Variants in TBC1D15 observed in about 807,000 individuals in gnomAD.
TBC1D15 encodes the protein GAP for RAB7.
In TBC1D15, 39 loss-of-function variants were observed where a neutral mutation model predicts 95.4. The ratio of observed to expected loss-of-function variants is 0.41; its 90% CI spans 0.32 to 0.53. TBC1D15 has a LOEUF of 0.53. TBC1D15 is among the 20% of genes least tolerant of loss of function. The probability of loss-of-function intolerance (pLI) is 0.29; values close to 1 mark genes in which losing one functional copy is unlikely to be tolerated. For missense variants in TBC1D15, 733 were observed against 794.3 expected, an observed-to-expected ratio of 0.92 and a Z score of 0.93; for synonymous variants, 258 against 261.3, an observed-to-expected ratio of 0.99 and a Z score of 0.12.
chr12:71,849,549 A>G, intron 1 of TBC1D15: 1 of 714,398 alleles, frequency 1.4e-6, no homozygotes, highest in African/African-American at 1.7e-5. Flanking sequence ...CTTCATTATC[A>G]CGTTACAGTG....
chr12:71,907,925 C>G (rs1901163446), intron 11 of TBC1D15: 1 of 152,256 alleles, frequency 6.6e-6, no homozygotes, highest in Non-Finnish European at 1.5e-5. Context: ...AATCCCAGCA[C>G]TTCAGGAAGT....
intron 11 of TBC1D15, 82 bp from the exon 12 acceptor site, chr12:71,913,744 C>A: frequency 2.3e-6 from 2 of 864,498 alleles, no homozygotes; most frequent in Non-Finnish European, 3.6e-6. Context: ...CAATTTTAAG[C>A]GAAATGGTGG....
chr12:71,880,783 G>T (rs1168599487), intron 4 of TBC1D15, among the ~76,000 whole-genome samples, 176 bp downstream of exon 4: 1 of 109,786 alleles, frequency 9.1e-6, no homozygotes, highest in Non-Finnish European at 1.6e-5. Flanking sequence ...TTTATTGGTT[G>T]TGGCTTCAAA....
intron 1 of TBC1D15, among the ~76,000 whole-genome samples, chr12:71,840,411 A>G (rs1461649724): frequency 2.0e-5 from 3 of 152,194 alleles, no homozygotes; most frequent in Non-Finnish European, 2.9e-5. Flanking sequence ...GTGCTTGTCT[A>G]GGAAGGCGTC....
intron 1 of TBC1D15, among the ~76,000 whole-genome samples, chr12:71,844,302 A>G (rs1460419313): frequency 6.6e-6 from 1 of 152,222 alleles, no homozygotes; most frequent in African/African-American, 2.4e-5. Flanking sequence ...TAAATTCTTT[A>G]GCATGGCTTA....
chr12:71,896,136 G>C, intron 8 of TBC1D15, 61 bp downstream of exon 8: 1 of 1,301,684 alleles, frequency 7.7e-7, no homozygotes, highest in East Asian at 2.9e-5. Context: ...GGGTTTTGTT[G>C]TTATCGTTAC....
intron 11 of TBC1D15, among the ~76,000 whole-genome samples, chr12:71,909,403 G>A (rs1901617400): frequency 6.6e-6 from 1 of 152,162 alleles, no homozygotes; most frequent in Admixed American, 6.5e-5. Context: ...CAGTAGGGAG[G>A]AGTGAGACAA....
At chr12:71,861,984 A>G (rs1397638037) in intron 1 of TBC1D15, among the ~76,000 whole-genome samples, 1 of 151,990 alleles carries the variant, frequency 6.6e-6, no homozygotes, top group Non-Finnish European at 1.5e-5. Context: ...ATTTGTACAA[A>G]TTTGCAAGTT....
intron 1 of TBC1D15, among the ~76,000 whole-genome samples, chr12:71,840,540 T>G (rs1592672071): frequency 6.6e-6 from 1 of 152,236 alleles, no homozygotes. Context: ...TTTCGTCGAA[T>G]AGTGCCTATT....
chr12:71,907,195 A>G, intron 11 of TBC1D15, 57 bp downstream of exon 11: 1 of 1,106,936 alleles, frequency 9.0e-7, no homozygotes, highest in Non-Finnish European at 1.3e-6. Context: ...TTTAGAGTTT[A>G]CATTTTTAAT....
intron 1 of TBC1D15, among the ~76,000 whole-genome samples, chr12:71,845,435 G>A (rs905721064): frequency 6.6e-6 from 1 of 152,206 alleles, no homozygotes; most frequent in Non-Finnish European, 1.5e-5. Flanking sequence ...ATAGGGTCTG[G>A]ATGGTGAAAG....
intron 3 of TBC1D15, among the ~76,000 whole-genome samples, chr12:71,873,894 T>C (rs955003917): frequency 6.6e-6 from 1 of 152,176 alleles, no homozygotes; most frequent in African/African-American, 2.4e-5. Flanking sequence ...GCAGGATTGG[T>C]TTCTTCTGAG....
rs1260327154 is a variant in TBC1D15 at position 71,923,042 on chromosome 12, A to G, written c.1863A>G (p.Pro621=). ...LGLQGSEVTT[P]DSDVGEDENV... is the part of the protein sequence containing the mutation. ...TTCAAGGCAGTGAAGTTACAACACC[A>G]GATTCAGACGTTGGTGAAGACGAAA... The change falls in exon 17 of 17, where the codon CCA becomes CCG. Residue 621 remains proline (P), a synonymous_variant. Coordinates refer to ENST00000485960, the MANE Select transcript of TBC1D15 (RefSeq NM_001146213.3). The G allele has an allele frequency of 1.2e-6, 2 of 1,614,238 alleles. No homozygotes were observed. Among genetic ancestry groups the G allele is most frequent in the East Asian group, 2.2e-5 (1 of 44,882 alleles).
At chr12:71,860,038 T>C (rs1302091486) in intron 1 of TBC1D15, among the ~76,000 whole-genome samples, 1 of 152,234 alleles carries the variant, frequency 6.6e-6, no homozygotes, top group Non-Finnish European at 1.5e-5. Context: ...CCTCAATGAA[T>C]GTTCTTGGTG....
At chr12:71,898,814 C>T (rs1898737327) in intron 10 of TBC1D15, among the ~76,000 whole-genome samples, 1 of 152,104 alleles carries the variant, frequency 6.6e-6, no homozygotes, top group Non-Finnish European at 1.5e-5. Flanking sequence ...GAAAGCCCAA[C>T]GTAACAGGCT....
At chr12:71,856,497 T>A (rs1157971724) in intron 1 of TBC1D15, among the ~76,000 whole-genome samples, 2 of 152,204 alleles carry the variant, frequency 1.3e-5, no homozygotes, top group Non-Finnish European at 2.9e-5. Context: ...TAAGTCTTTT[T>A]CTTCTTTTAG....
intron 10 of TBC1D15, 99 bp from the exon 11 acceptor site, chr12:71,906,923 T>C (rs971999631): frequency 1.7e-6 from 1 of 601,534 alleles, no homozygotes; most frequent in African/African-American, 1.9e-5. Flanking sequence ...GTGAGTGAAA[T>C]TAATAGCAAG....
intron 1 of TBC1D15, among the ~76,000 whole-genome samples, chr12:71,846,755 CTT>C (rs10651326): frequency 2.8e-4 from 31 of 111,132 alleles, no homozygotes; most frequent in Admixed American, 4.2e-4. Context: ...TTTTATACAG[CTT>C]TTTTTTTTTT....
At chr12:71,851,332 T>G (rs1049123340) in intron 1 of TBC1D15, among the ~76,000 whole-genome samples, 3 of 151,730 alleles carry the variant, frequency 2.0e-5, no homozygotes, top group African/African-American at 7.3e-5. Context: ...CCTCCAACGT[T>G]GGGTATTGTA....
Sources: gnomAD v4.1 joint callset for allele counts (sites outside exome capture counted in the v4.1 genomes callset) on GRCh38, gnomAD v4.1.1 for gene constraint, MANE v1.5 for transcripts, NCBI Gene and HGNC (gene_info 2026-07-23, HGNC 2026-07-21) for gene names.